CSGALNACT1: variants seen among roughly 807,000 people sequenced by gnomAD.
CSGALNACT1 encodes the protein beta4GalNAcT-1.
Under a neutral mutation model 51.0 loss-of-function variants are expected in CSGALNACT1, and 52 were observed. The observed-to-expected ratio is 1.02, with a 90% CI of 0.82 to 1.29. The LOEUF (loss-of-function observed/expected upper bound fraction) is 1.29, where lower values mean the gene tolerates loss of function less well. Ranked by LOEUF, CSGALNACT1 falls within the 50% of genes most tolerant of loss-of-function variation. The pLI is 0.00. For missense variants in CSGALNACT1, 935 were observed against 679.2 expected (o/e 1.38, Z -4.19); for synonymous variants, 341 against 254.4 (o/e 1.34, Z -3.24).
At chr8:19,618,310 C>T (rs899767201) in intron 1 of CSGALNACT1, among the ~76,000 whole-genome samples, 4 of 152,058 alleles carry the variant, frequency 2.6e-5, no homozygotes, top group African/African-American at 9.7e-5. Context: ...GGACTATGTA[C>T]TATGACTGTA....
intron 4 of CSGALNACT1, among the ~76,000 whole-genome samples, chr8:19,460,476 G>C (rs997076045): frequency 1.3e-5 from 2 of 152,126 alleles, no homozygotes; most frequent in Non-Finnish European, 2.9e-5. Context: ...TGTTGTCTTG[G>C]AATGTATCCC....
At chr8:19,560,673 T>A (rs1299635106) in intron 3 of CSGALNACT1, among the ~76,000 whole-genome samples, 1 of 152,136 alleles carries the variant, frequency 6.6e-6, no homozygotes, top group Non-Finnish European at 1.5e-5. Context: ...CAAAGAGATA[T>A]GAATACACAC....
At chr8:19,656,900 T>C (rs549259766) in intron 1 of CSGALNACT1, among the ~76,000 whole-genome samples, 2 of 151,912 alleles carry the variant, frequency 1.3e-5, no homozygotes, top group South Asian at 4.2e-4. Flanking sequence ...ACCCTGTTTC[T>C]ATTAAAAATA....
Position 19,413,585 on chromosome 8 carries a change from T to G in CSGALNACT1, c.1228-4891A>C, listed in dbSNP as rs143022395. Among the ~76,000 whole-genome samples, 1,029 of 152,332 alleles carry G rather than the reference T, an allele frequency of 6.8e-3. 9 individuals are homozygous for G. Among genetic ancestry groups the G allele is most frequent in the Non-Finnish European group, 0.012 (841 of 68,028 alleles). On this transcript the variant is annotated intron_variant, in intron 8 of 9. Transcript: ENST00000454498. ...GATGCATAGGATGTGCCATGCTCATTTGGCAATTTACAAAAAGGTTTCAAC... is the reference window on the plus strand; with the variant it reads ...GATGCATAGGATGTGCCATGCTCATGTGGCAATTTACAAAAAGGTTTCAAC...
chr8:19,424,973 G>A (rs1317982001), intron 6 of CSGALNACT1, among the ~76,000 whole-genome samples: 1 of 152,140 alleles, frequency 6.6e-6, no homozygotes, highest in Non-Finnish European at 1.5e-5. Flanking sequence ...TTCCGATTGT[G>A]AAAGAAAAAT....
chr8:19,522,351 T>G (rs2080900706), intron 3 of CSGALNACT1, among the ~76,000 whole-genome samples: 2 of 152,124 alleles, frequency 1.3e-5, no homozygotes, highest in African/African-American at 4.8e-5. Flanking sequence ...GCCTCTAAAT[T>G]TGCACTTTCC....
At chr8:19,536,991 C>T (rs1397965398) in intron 3 of CSGALNACT1, among the ~76,000 whole-genome samples, 1 of 152,020 alleles carries the variant, frequency 6.6e-6, no homozygotes, top group Non-Finnish European at 1.5e-5. Context: ...ATCCTAAATC[C>T]CCCTCCAACC....
At chr8:19,568,271 A>G (rs2042290448) in intron 3 of CSGALNACT1, among the ~76,000 whole-genome samples, 1 of 152,198 alleles carries the variant, frequency 6.6e-6, no homozygotes. Context: ...TAGGCTGTAA[A>G]CCTGTAAAGC....
At chr8:19,585,342 C>G (rs1328508628) in intron 3 of CSGALNACT1, 4 of 152,210 alleles carry the variant, frequency 2.6e-5, no homozygotes, top group African/African-American at 9.7e-5. Flanking sequence ...TGAGTGACCA[C>G]ACGGGACCGA....
intron 4 of CSGALNACT1, among the ~76,000 whole-genome samples, chr8:19,465,033 T>G (rs2066359769): frequency 6.6e-6 from 1 of 152,180 alleles, no homozygotes; most frequent in Non-Finnish European, 1.5e-5. Context: ...TCCTAACAGA[T>G]ACTTATGAAC....
intron 4 of CSGALNACT1, among the ~76,000 whole-genome samples, chr8:19,498,407 G>A (rs1033283957): frequency 3.9e-5 from 6 of 152,158 alleles, no homozygotes; most frequent in African/African-American, 7.2e-5. Flanking sequence ...TACCCAACAC[G>A]GGTGAGATGG....
chr8:19,468,708 T>G (rs2067313612), intron 4 of CSGALNACT1, among the ~76,000 whole-genome samples: 1 of 152,022 alleles, frequency 6.6e-6, no homozygotes, highest in South Asian at 2.1e-4. Context: ...GGAGGCTGAC[T>G]CGAGTTACAG....
chr8:19,418,746 C>G, exon 8 of CSGALNACT1: 1 of 1,605,218 alleles, frequency 6.2e-7, no homozygotes, highest in African/African-American at 1.3e-5. Flanking sequence ...AAAATACCTT[C>G]TTCCCTACAA....
chr8:19,635,273 C>T (rs906384215), intron 1 of CSGALNACT1, among the ~76,000 whole-genome samples: 19 of 152,180 alleles, frequency 1.2e-4, no homozygotes, highest in African/African-American at 4.6e-4. Flanking sequence ...CGAGTAGGCC[C>T]GTGCAAGGCC....
intron 1 of CSGALNACT1, among the ~76,000 whole-genome samples, chr8:19,708,765 C>T (rs1258822909): frequency 1.3e-5 from 2 of 152,154 alleles, no homozygotes; most frequent in Non-Finnish European, 1.5e-5. Context: ...CCAACAAGAA[C>T]ACAGAGCTTC....
intron 6 of CSGALNACT1, among the ~76,000 whole-genome samples, chr8:19,431,256 G>A (rs1049868422): frequency 6.6e-6 from 1 of 152,024 alleles, no homozygotes; most frequent in African/African-American, 2.4e-5. Context: ...CTTATGGGGA[G>A]AACATTCAGT....
At chr8:19,560,847 T>C (rs955424902) in intron 3 of CSGALNACT1, among the ~76,000 whole-genome samples, 1 of 152,190 alleles carries the variant, frequency 6.6e-6, no homozygotes, top group Non-Finnish European at 1.5e-5. Flanking sequence ...AATGCAGGCA[T>C]AGGAATATTC....
chr8:19,470,151 A>G (rs1188242500), intron 4 of CSGALNACT1, among the ~76,000 whole-genome samples: 2 of 152,200 alleles, frequency 1.3e-5, no homozygotes, highest in Non-Finnish European at 1.5e-5. Flanking sequence ...AACCCCGCAA[A>G]GTACTTGGTA....
chr8:19,452,567 C>G (rs2063371380), intron 5 of CSGALNACT1, among the ~76,000 whole-genome samples: 1 of 152,148 alleles, frequency 6.6e-6, no homozygotes, highest in Non-Finnish European at 1.5e-5. Flanking sequence ...TCCCCCACAT[C>G]CCACAGAAGC....
Sources: allele counts gnomAD v4.1 joint callset (sites outside exome capture counted in the v4.1 genomes callset), GRCh38; gene constraint gnomAD v4.1.1; transcripts MANE v1.5; gene names NCBI Gene and HGNC (gene_info 2026-07-23, HGNC 2026-07-21).